CDH13: variants seen among roughly 807,000 people sequenced by gnomAD.
CDH13 encodes cadherin-13.
In CDH13, 24 loss-of-function variants were observed where a neutral mutation model predicts 63.8. That is an observed-to-expected ratio of 0.38 (90% CI 0.27 to 0.53). The LOEUF is 0.53. Among genes scored for constraint, CDH13 ranks in the 20% least tolerant of loss-of-function variants. The probability of loss-of-function intolerance (pLI) is 0.85; values close to 1 mark genes in which losing one functional copy is unlikely to be tolerated. For missense variants in CDH13, 1,049 were observed against 903.1 expected (o/e 1.16, Z -2.07); for synonymous variants, 503 against 355.3 (o/e 1.42, Z -4.67).
At chr16:83,482,168 T>C (rs2073784361) in intron 6 of CDH13, among the ~76,000 whole-genome samples, 1 of 151,790 alleles carries the variant, frequency 6.6e-6, no homozygotes, top group African/African-American at 2.4e-5. Context: ...CTGGTGGCTC[T>C]GGTCAGTGTG....
At chr16:83,426,882 TCAGAA>T (rs2071920220) in intron 6 of CDH13, among the ~76,000 whole-genome samples, 1 of 146,276 alleles carries the variant, frequency 6.8e-6, no homozygotes, top group South Asian at 2.3e-4. Context: ...GTCCTAATTC[TCAGAA>T]TCTATAAATA....
At chr16:83,494,745 G>A (rs2074096633) in intron 7 of CDH13, among the ~76,000 whole-genome samples, 1 of 152,186 alleles carries the variant, frequency 6.6e-6, no homozygotes, top group Non-Finnish European at 1.5e-5. Context: ...ACCATTTCAA[G>A]ACATGATGAC....
chr16:83,679,034 T>C (rs1915189020), intron 10 of CDH13, among the ~76,000 whole-genome samples: 1 of 152,124 alleles, frequency 6.6e-6, no homozygotes, highest in South Asian at 2.1e-4. Context: ...GCAAAGTCAC[T>C]TCCTGGTGCT....
At chr16:83,182,565 A>G (rs2038379172) in intron 4 of CDH13, among the ~76,000 whole-genome samples, 1 of 152,240 alleles carries the variant, frequency 6.6e-6, no homozygotes, top group African/African-American at 2.4e-5. Flanking sequence ...GTCTGCGGAC[A>G]CTTGAAGCCC....
intron 5 of CDH13, among the ~76,000 whole-genome samples, chr16:83,301,584 A>C (rs2089747100): frequency 6.6e-6 from 1 of 152,080 alleles, no homozygotes; most frequent in Non-Finnish European, 1.5e-5. Flanking sequence ...GGACCGACAG[A>C]CTATCTTCTC....
intron 2 of CDH13, among the ~76,000 whole-genome samples, chr16:83,004,060 A>T (rs1913220536): frequency 6.6e-6 from 1 of 152,212 alleles, no homozygotes; most frequent in Admixed American, 6.5e-5. Context: ...AAATATTCTC[A>T]GTCAATGACA....
At chr16:83,521,351 A>G (rs2074831494) in intron 7 of CDH13, among the ~76,000 whole-genome samples, 1 of 152,204 alleles carries the variant, frequency 6.6e-6, no homozygotes, top group African/African-American at 2.4e-5. Flanking sequence ...TTAGGAAAAA[A>G]AAAAAGAATG....
chr16:83,382,515 C>T (rs1451649577), intron 6 of CDH13, among the ~76,000 whole-genome samples: 1 of 152,094 alleles, frequency 6.6e-6, no homozygotes, highest in African/African-American at 2.4e-5. Flanking sequence ...GTCCCTTCAA[C>T]CCTCAGTGCT....
chr16:83,559,576 AAGAG>A (rs869206348), intron 7 of CDH13, among the ~76,000 whole-genome samples: 1 of 94,206 alleles, frequency 1.1e-5, no homozygotes, highest in Non-Finnish European at 2.1e-5. Context: ...TATAAAAAGA[AAGAG>A]AGAGAGAGAG....
At chr16:83,767,405 G>T (rs578070340) in intron 11 of CDH13, among the ~76,000 whole-genome samples, 1 of 152,264 alleles carries the variant, frequency 6.6e-6, no homozygotes, top group South Asian at 2.1e-4. Context: ...TCCTGCATGA[G>T]CTCCCTTGCT....
intron 1 of CDH13, among the ~76,000 whole-genome samples, chr16:82,806,251 A>G (rs2037135074): frequency 6.6e-6 from 1 of 152,124 alleles, no homozygotes; most frequent in South Asian, 2.1e-4. Context: ...TAAACCATCA[A>G]CATGTCCCTT....
At chr16:83,787,444 C>T (rs1915959289) in intron 13 of CDH13, among the ~76,000 whole-genome samples, 1 of 152,220 alleles carries the variant, frequency 6.6e-6, no homozygotes, top group African/African-American at 2.4e-5. Context: ...CGCTCTGCTC[C>T]ATTTACTCCT....
intron 10 of CDH13, among the ~76,000 whole-genome samples, chr16:83,691,656 C>T (rs955856808): frequency 2.0e-5 from 3 of 151,974 alleles, no homozygotes; most frequent in Admixed American, 6.6e-5. Context: ...AACTTGGCAG[C>T]CCGACCGCAA....
At chr16:83,192,718 G>C (rs1341216984) in intron 4 of CDH13, among the ~76,000 whole-genome samples, 12 of 152,168 alleles carry the variant, frequency 7.9e-5, no homozygotes, top group African/African-American at 2.7e-4. Context: ...TCCCATGGCT[G>C]TGAATTCCGG....
chr16:83,068,817 T>C lies in CDH13; in HGVS notation c.366+36599T>C, dbSNP rs1049376750. On this transcript the variant is annotated intron_variant, in intron 3 of 13. Coordinates refer to ENST00000567109, the MANE Select transcript of CDH13 (RefSeq NM_001257.5). ...GCTGTGGACACCCTGCTTGCCAATT[T>C]TTCTGCCTTAACCGTTCCCTGCCCC... Among the ~76,000 whole-genome samples, 7 of 152,196 alleles carry C rather than the reference T, an allele frequency of 4.6e-5. 1 individual carries two copies. Among genetic ancestry groups the C allele is most frequent in the African/African-American group, 1.7e-4 (7 of 41,458 alleles).
intron 2 of CDH13, among the ~76,000 whole-genome samples, chr16:82,922,944 C>T (rs1039643005): frequency 2.0e-5 from 3 of 152,066 alleles, no homozygotes; most frequent in African/African-American, 7.2e-5. Context: ...AAGCAAGTCA[C>T]ACATATTTTT....
chr16:83,475,457 G>A (rs982892924), intron 6 of CDH13, among the ~76,000 whole-genome samples: 7 of 152,234 alleles, frequency 4.6e-5, no homozygotes, highest in African/African-American at 1.7e-4. Flanking sequence ...GCCCCTTGAA[G>A]TGAACCCCCA....
At chr16:82,638,817 A>AGTGTGTGTGTGTGTGTGTGTGTGT (rs779050661) in intron 1 of CDH13, among the ~76,000 whole-genome samples, 1 of 52,486 alleles carries the variant, frequency 1.9e-5, no homozygotes, top group Non-Finnish European at 5.6e-5. Flanking sequence ...TTATTAGGGC[A>AGTGTGTGTGTGTGTGTGTGTGTGT]GTGTGTGCGT....
At chr16:83,461,012 C>CACAG (rs940347721) in intron 6 of CDH13, among the ~76,000 whole-genome samples, 2 of 151,170 alleles carry the variant, frequency 1.3e-5, no homozygotes, top group South Asian at 2.1e-4. Context: ...CACACACACA[C>CACAG]ACACACACAG....
Sources: allele counts gnomAD v4.1 joint callset (sites outside exome capture counted in the v4.1 genomes callset), GRCh38; gene constraint gnomAD v4.1.1; transcripts MANE v1.5; gene names NCBI Gene and HGNC (gene_info 2026-07-23, HGNC 2026-07-21).